The following MDGA2 variants were observed in gnomAD, a reference collection of about 807,000 sequenced individuals.
MDGA2 encodes the protein MAM domain-containing glycosylphosphatidylinositol anchor protein 2.
MDGA2 carries 40 observed loss-of-function variants against 117.8 expected under a neutral mutation model. The observed-to-expected ratio is 0.34, with a 90% CI of 0.26 to 0.44. The LOEUF (loss-of-function observed/expected upper bound fraction) is 0.44, where lower values mean the gene tolerates loss of function less well. Among genes scored for constraint, MDGA2 ranks in the 20% least tolerant of loss-of-function variants. MDGA2 has a pLI of 1.00. For missense variants in MDGA2, 1,123 were observed against 1,250.6 expected (o/e 0.90, Z 1.54); for synonymous variants, 452 against 439.0 (o/e 1.03, Z -0.37).
chr14:46,899,263 T>G (rs1217780042), intron 10 of MDGA2, among the ~76,000 whole-genome samples: 1 of 152,002 alleles, frequency 6.6e-6, no homozygotes, highest in South Asian at 2.1e-4. Flanking sequence ...TCCCCACCCT[T>G]TTTTTCCCAA....
chr14:47,335,653 A>C (rs1890421015), intron 1 of MDGA2, among the ~76,000 whole-genome samples: 2 of 149,080 alleles, frequency 1.3e-5, no homozygotes, highest in African/African-American at 4.9e-5. Flanking sequence ...ATCTTACATA[A>C]ATACATATAG....
chr14:47,219,057 T>C (rs939444614), intron 2 of MDGA2, among the ~76,000 whole-genome samples: 1 of 151,946 alleles, frequency 6.6e-6, no homozygotes, highest in African/African-American at 2.4e-5. Context: ...AAAGTAAAAA[T>C]AATTTGATTT....
intron 1 of MDGA2, among the ~76,000 whole-genome samples, chr14:47,407,749 A>G (rs1892287628): frequency 6.6e-6 from 1 of 152,196 alleles, no homozygotes; most frequent in African/African-American, 2.4e-5. Context: ...AGTGAAAATG[A>G]GAGTTATTTG....
chr14:47,131,583 A>G (rs1882205412), intron 5 of MDGA2, 131 bp downstream of exon 5: 1 of 607,796 alleles, frequency 1.6e-6, no homozygotes, highest in African/African-American at 1.8e-5. Context: ...ATATCCCAGG[A>G]TTTTCTGGGA....
chr14:47,179,774 T>C (rs1199871782), intron 3 of MDGA2, among the ~76,000 whole-genome samples: 10 of 152,128 alleles, frequency 6.6e-5, no homozygotes, highest in South Asian at 6.2e-4. Context: ...ATATTTCTTC[T>C]CACCAAAATA....
At chr14:47,615,262 G>A (rs932226069) in intron 1 of MDGA2, among the ~76,000 whole-genome samples, 1 of 151,984 alleles carries the variant, frequency 6.6e-6, no homozygotes, top group African/African-American at 2.4e-5. Flanking sequence ...CATTTTAGTG[G>A]TGCTTTTAAT....
At chr14:46,992,725 T>G (rs1007537603) in intron 8 of MDGA2, among the ~76,000 whole-genome samples, 4 of 152,106 alleles carry the variant, frequency 2.6e-5, no homozygotes, top group African/African-American at 7.2e-5. Context: ...TGCCAAAAGC[T>G]CCTATAAAAT....
At chr14:47,527,823 A>G (rs1895004126) in intron 1 of MDGA2, among the ~76,000 whole-genome samples, 1 of 152,158 alleles carries the variant, frequency 6.6e-6, no homozygotes, top group Non-Finnish European at 1.5e-5. Context: ...GAAAGGAGAA[A>G]TTGAAGACAT....
chr14:47,562,784 G>A (rs1895841227), intron 1 of MDGA2, among the ~76,000 whole-genome samples: 1 of 151,906 alleles, frequency 6.6e-6, no homozygotes, highest in Non-Finnish European at 1.5e-5. Flanking sequence ...GGGTTGGTTT[G>A]CTCTTGTTTC....
At chr14:47,383,327 C>A (rs1234904619) in intron 1 of MDGA2, among the ~76,000 whole-genome samples, 9 of 151,598 alleles carry the variant, frequency 5.9e-5, no homozygotes, top group Admixed American at 5.9e-4. Flanking sequence ...CACATGTACC[C>A]TAGAACTTAA....
chr14:46,872,295 A>G (rs917374805), intron 14 of MDGA2, among the ~76,000 whole-genome samples: 1 of 152,014 alleles, frequency 6.6e-6, no homozygotes, highest in African/African-American at 2.4e-5. Context: ...ATTAATTTAT[A>G]TAAAGACACT....
At chr14:47,656,394 G>A (rs1400239537) in intron 1 of MDGA2, among the ~76,000 whole-genome samples, 1 of 152,134 alleles carries the variant, frequency 6.6e-6, no homozygotes, top group Non-Finnish European at 1.5e-5. Context: ...TCCACATGTG[G>A]TATAAACCAA....
In MDGA2 at chr14:47,635,373, A is replaced by G. The variant is rs535304553; in HGVS notation, c.280+39144T>C. 5.4e-4 allele frequency among the ~76,000 whole-genome samples: 82 copies of G among 152,292 alleles called. 2 individuals carry two copies. In the South Asian group the frequency reaches 0.016, roughly 29 times the overall value. Reference sequence around the variant, plus strand: ...TAAATGAGACATACAACAGAATTGAATATGATATCATCAATTTATTCTCTC... The same window carrying G: ...TAAATGAGACATACAACAGAATTGAGTATGATATCATCAATTTATTCTCTC... On this transcript the variant is annotated intron_variant, in intron 1 of 16. Transcript: ENST00000399232.
chr14:47,106,837 G>A (rs377565635), intron 5 of MDGA2, among the ~76,000 whole-genome samples: 1,598 of 141,426 alleles, frequency 0.011, 73 homozygotes, highest in African/African-American at 0.041. Flanking sequence ...GGGTATTGAC[G>A]GCCAGGCTTC....
At chr14:47,177,141 T>C (rs1884494482) in intron 3 of MDGA2, among the ~76,000 whole-genome samples, 1 of 152,138 alleles carries the variant, frequency 6.6e-6, no homozygotes, top group African/African-American at 2.4e-5. Flanking sequence ...TCATTAAAAG[T>C]CAGGAAACAA....
chr14:47,471,351 C>T lies in MDGA2; in HGVS notation c.281-169801G>A, dbSNP rs17118749. Reference sequence around the variant, plus strand: ...AGCAGTGAGAAAGTTGTAAAATTGTCTTGACATTTAAAAAACAGCACTTTA... The same window carrying T: ...AGCAGTGAGAAAGTTGTAAAATTGTTTTGACATTTAAAAAACAGCACTTTA... On this transcript the variant is annotated intron_variant, in intron 1 of 16. Coordinates refer to ENST00000399232, the MANE Select transcript of MDGA2 (RefSeq NM_001113498.3). 6.6e-3 allele frequency among the ~76,000 whole-genome samples: 995 copies of T among 150,640 alleles called. 15 individuals are homozygous for T. Among genetic ancestry groups the T allele is most frequent in the African/African-American group, 0.023 (954 of 41,032 alleles).
At chr14:47,089,608 T>C (rs1382899800) in intron 6 of MDGA2, among the ~76,000 whole-genome samples, 2 of 146,504 alleles carry the variant, frequency 1.4e-5, no homozygotes, top group Admixed American at 1.3e-4. Flanking sequence ...TGTTTTTGTA[T>C]TTTTTTTATT....
chr14:47,607,815 A>G (rs1258991112), intron 1 of MDGA2, among the ~76,000 whole-genome samples: 1 of 152,148 alleles, frequency 6.6e-6, no homozygotes, highest in African/African-American at 2.4e-5. Context: ...TAAGTAGTCA[A>G]TGGCTATCTG....
chr14:47,425,091 T>C (rs1254236819), intron 1 of MDGA2, among the ~76,000 whole-genome samples: 2 of 152,174 alleles, frequency 1.3e-5, no homozygotes, highest in Non-Finnish European at 2.9e-5. Context: ...TTTAAAGTTA[T>C]CAGGCAATTT....
Sources: gnomAD v4.1 joint callset for allele counts (sites outside exome capture counted in the v4.1 genomes callset) on GRCh38, gnomAD v4.1.1 for gene constraint, MANE v1.5 for transcripts, NCBI Gene and HGNC (gene_info 2026-07-23, HGNC 2026-07-21) for gene names.